SLC2A13: variants seen among roughly 807,000 people sequenced by gnomAD.
The protein encoded by SLC2A13 is solute carrier family 2 member 13.
SLC2A13 carries 32 observed loss-of-function variants against 64.4 expected under a neutral mutation model. The ratio of observed to expected loss-of-function variants is 0.50; its 90% CI spans 0.37 to 0.67. The LOEUF (loss-of-function observed/expected upper bound fraction) is 0.67, where lower values mean the gene tolerates loss of function less well. Ranked by LOEUF, SLC2A13 falls within the 30% of genes least tolerant of loss-of-function variation. The pLI is 0.00. For missense variants in SLC2A13, 743 were observed against 829.2 expected (o/e 0.90, Z 1.28); for synonymous variants, 338 against 327.1 (o/e 1.03, Z -0.36).
At chr12:39,843,699 C>T (rs187293966) in intron 6 of SLC2A13, among the ~76,000 whole-genome samples, 4 of 152,132 alleles carry the variant, frequency 2.6e-5, no homozygotes, top group Non-Finnish European at 5.9e-5. Flanking sequence ...ATCTTGAAGC[C>T]TTGAAGTGAG....
intron 4 of SLC2A13, among the ~76,000 whole-genome samples, chr12:39,926,614 T>G (rs1368122253): frequency 2.0e-5 from 3 of 152,248 alleles, no homozygotes; most frequent in South Asian, 4.2e-4. Context: ...AGTTCTAACC[T>G]TTTTTATTTT....
In SLC2A13 at chr12:40,048,065, C is replaced by A; in HGVS notation, c.702G>T (p.Gln234His). The A allele has an allele frequency of 6.2e-7, 1 of 1,607,664 alleles. No homozygotes were observed. The highest frequency in any genetic ancestry group is 8.5e-7 in the Non-Finnish European group (1 of 1,178,248). ...TATTTACAAACCTCCATCCATCCTTCTGGAGATAACTGAAGGCTCCATCAA... is the reference window on the plus strand; with the variant it reads ...TATTTACAAACCTCCATCCATCCTTATGGAGATAACTGAAGGCTCCATCAA... ...SVVDGAFSYL[Q>H]KDGWRYMLGL... Residue 234 changes from glutamine to histidine, a missense_variant, in exon 2 of 10, where the codon CAG becomes CAT. Coordinates refer to ENST00000280871, the MANE Select transcript of SLC2A13 (RefSeq NM_052885.4).
chr12:39,959,760 CTT>C (rs914547071), intron 3 of SLC2A13, among the ~76,000 whole-genome samples: 3 of 152,004 alleles, frequency 2.0e-5, no homozygotes, highest in African/African-American at 7.2e-5. Flanking sequence ...TTCTAGAAAA[CTT>C]TTATTTAAAA....
chr12:39,842,245 C>G (rs1043792621), intron 6 of SLC2A13, among the ~76,000 whole-genome samples: 2 of 152,054 alleles, frequency 1.3e-5, no homozygotes, highest in African/African-American at 4.8e-5. Flanking sequence ...ACAGAAAGTA[C>G]TTTAACATAT....
intron 7 of SLC2A13, among the ~76,000 whole-genome samples, chr12:39,784,559 T>C (rs566262144): frequency 6.6e-6 from 1 of 152,310 alleles, no homozygotes; most frequent in Admixed American, 6.5e-5. Context: ...CCTTACACCT[T>C]ATACAAACAT....
intron 7 of SLC2A13, among the ~76,000 whole-genome samples, chr12:39,784,019 G>C (rs528117147): frequency 2.1e-4 from 32 of 152,118 alleles, no homozygotes; most frequent in Non-Finnish European, 4.1e-4. Context: ...AGCTTACAAG[G>C]GATGTGAAGG....
At chr12:40,016,645 A>G (rs1377972445) in intron 3 of SLC2A13, among the ~76,000 whole-genome samples, 1 of 152,192 alleles carries the variant, frequency 6.6e-6, no homozygotes, top group East Asian at 1.9e-4. Flanking sequence ...TACCTATAAT[A>G]AGGGCCTAGT....
At chr12:39,940,065 C>G (rs77222415) in intron 4 of SLC2A13, among the ~76,000 whole-genome samples, 8,674 of 152,214 alleles carry the variant, frequency 0.057, 377 homozygotes, top group Middle Eastern at 0.14. Flanking sequence ...GCCATAAATC[C>G]TAACATTTTC....
chr12:40,006,507 T>C (rs541649773), intron 3 of SLC2A13, among the ~76,000 whole-genome samples: 22 of 152,360 alleles, frequency 1.4e-4, no homozygotes, highest in Middle Eastern at 6.8e-3. Context: ...TCATTAAATG[T>C]AAGCTTATTA....
chr12:39,999,413 C>T (rs1269764320), intron 3 of SLC2A13, among the ~76,000 whole-genome samples: 1 of 152,042 alleles, frequency 6.6e-6, no homozygotes, highest in Non-Finnish European at 1.5e-5. Context: ...ATAATTAATA[C>T]CCTGGAGAAG....
intron 4 of SLC2A13, among the ~76,000 whole-genome samples, chr12:39,886,448 G>T (rs994077553): frequency 1.3e-5 from 2 of 152,028 alleles, no homozygotes; most frequent in African/African-American, 4.8e-5. Context: ...TATGAAGTGT[G>T]ATCTGAAGAA....
Position 40,031,777 on chromosome 12 carries a change from T to C in SLC2A13, c.717-3268A>G, listed in dbSNP as rs571735314. Reference sequence around the variant, plus strand: ...CTCTAACGATGTGCAGACTGGAGAATAGGAAAGATAAATAAGAGGCTGTTT... The same window carrying C: ...CTCTAACGATGTGCAGACTGGAGAACAGGAAAGATAAATAAGAGGCTGTTT... On this transcript the variant is annotated intron_variant, in intron 2 of 9. Transcript: ENST00000280871. 3.3e-5 allele frequency among the ~76,000 whole-genome samples: 5 copies of C among 152,224 alleles called. No homozygotes were observed. The South Asian group carries it at 1.0e-3, about 32-fold the overall frequency.
Position 39,998,070 on chromosome 12 carries a change from C to T in SLC2A13, c.925+30231G>A, listed in dbSNP as rs1086487. Among the ~76,000 whole-genome samples, 327 of 152,248 alleles carry T rather than the reference C, an allele frequency of 2.1e-3. 1 individual carries two copies. The highest frequency in any genetic ancestry group is 0.018 in the East Asian group (91 of 5,188). On this transcript the variant is annotated intron_variant, in intron 3 of 9. Transcript: ENST00000280871. ...ATTATACAAAAAAGATACTTGCACACGCACATTTACAGCAGCACAATTAGC... is the reference window on the plus strand; with the variant it reads ...ATTATACAAAAAAGATACTTGCACATGCACATTTACAGCAGCACAATTAGC...
intron 1 of SLC2A13, among the ~76,000 whole-genome samples, chr12:40,070,548 C>T (rs1324848375): frequency 6.6e-6 from 1 of 152,092 alleles, no homozygotes; most frequent in Admixed American, 6.6e-5. Context: ...ATAATCAGCT[C>T]TATCCCCAAT....
intron 5 of SLC2A13, among the ~76,000 whole-genome samples, chr12:39,867,720 G>T (rs1196712719): frequency 6.6e-6 from 1 of 152,038 alleles, no homozygotes; most frequent in African/African-American, 2.4e-5. Flanking sequence ...TATTTTAAAA[G>T]CCAGCATTAT....
At chr12:40,040,226 G>A (rs756082670) in intron 2 of SLC2A13, among the ~76,000 whole-genome samples, 2 of 152,180 alleles carry the variant, frequency 1.3e-5, no homozygotes, top group South Asian at 2.1e-4. Context: ...ATTTGATCCC[G>A]TAAATAACAT....
At chr12:39,929,697 G>A (rs1415669364) in intron 4 of SLC2A13, among the ~76,000 whole-genome samples, 3 of 152,190 alleles carry the variant, frequency 2.0e-5, no homozygotes, top group African/African-American at 7.2e-5. Flanking sequence ...AGAAAGTTCT[G>A]TAAGAAGAGC....
At chr12:39,869,414 C>G (rs956956704) in intron 5 of SLC2A13, among the ~76,000 whole-genome samples, 1 of 152,158 alleles carries the variant, frequency 6.6e-6, no homozygotes, top group Non-Finnish European at 1.5e-5. Flanking sequence ...TGACAAGAAA[C>G]CAGGACTTCC....
chr12:40,058,808 T>A (rs1170422484), intron 1 of SLC2A13, among the ~76,000 whole-genome samples: 3 of 152,206 alleles, frequency 2.0e-5, no homozygotes, highest in African/African-American at 4.8e-5. Flanking sequence ...TAACTATGGC[T>A]CATAATATTC....
Sources: gnomAD v4.1 joint callset for allele counts (sites outside exome capture counted in the v4.1 genomes callset) on GRCh38, gnomAD v4.1.1 for gene constraint, MANE v1.5 for transcripts, NCBI Gene and HGNC (gene_info 2026-07-23, HGNC 2026-07-21) for gene names.